CUX1: variants seen among roughly 807,000 people sequenced by gnomAD.
CUX1 encodes protein CASP.
In CUX1, 31 loss-of-function variants were observed where a neutral mutation model predicts 158.8. That is an observed-to-expected ratio of 0.20 (90% confidence interval 0.15 to 0.26). CUX1 has a LOEUF of 0.26. Among genes scored for constraint, CUX1 ranks in the 10% least tolerant of loss-of-function variants. The pLI is 1.00. For synonymous variants in CUX1, 879 were observed against 862.1 expected (o/e 1.02, Z -0.34); for missense variants, 1,589 against 2,014.6 (o/e 0.79, Z 4.04).
At position 101,916,396 on chromosome 7, in the gene CUX1, C is replaced by T. The variant is rs1296777493; in HGVS notation, c.141+171C>T. The T allele has an allele frequency of 5.6e-6, 3 of 534,110 alleles. No homozygotes were observed. The highest frequency in any genetic ancestry group is 5.8e-5 in the Admixed American group (2 of 34,426). The allele number at this position is 534,110 out of a possible 1,614,324, so 33.1% of individuals were successfully genotyped here. A position where few individuals can be genotyped will look rare whatever the true frequency, so the allele number is the denominator to read the frequency against. The stretch of plus-strand genomic sequence containing the variant: ...CCATTTCCAGCAGAACGCATGCCAT[C>T]CTGCAGGCTGTGGGGATGTGGAAAT... On this transcript the variant is annotated intron_variant, in intron 2 of 23. Coordinates refer to ENST00000292535, the MANE Select transcript of CUX1 (RefSeq NM_181552.4). This position sits in a 1 kb window ranked among gnomAD's most constrained non-coding sequence, Gnocchi z 4.4.
At chr7:101,896,792 C>G (rs969751683) in intron 1 of CUX1, among the ~76,000 whole-genome samples, 4 of 152,188 alleles carry the variant, frequency 2.6e-5, no homozygotes, top group African/African-American at 9.7e-5. Context: ...CCCTAACAAA[C>G]TAAATATGAA....
intron 2 of CUX1, among the ~76,000 whole-genome samples, chr7:101,996,997 G>GCTCGTGTGCACTCCCCTGCA (rs1816001964): frequency 2.6e-5 from 4 of 151,928 alleles, no homozygotes; most frequent in African/African-American, 9.7e-5. Context: ...ACTCCCCTGC[G>GCTCGTGTGCACTCCCCTGCA]CTCGTGTGCA....
At position 101,819,410 on chromosome 7, in the gene CUX1, G is replaced by A. The variant is rs543226772; in HGVS notation, c.30+1741G>A. ...CCCTTTGGGACATTATTCCCACATG[G>A]TGACCAGCCTTCCCCTTTAAGCAGC... On this transcript the variant is annotated intron_variant, in intron 1 of 23. Transcript: ENST00000292535. Among the ~76,000 whole-genome samples the A allele has an allele frequency of 3.9e-4, 60 of 152,260 alleles. No homozygotes were observed. The South Asian group carries it at 0.012, about 31-fold the overall frequency.
upstream of CUX1, among the ~76,000 whole-genome samples, chr7:101,816,522 G>A (rs933634508): frequency 2.1e-5 from 3 of 141,866 alleles, no homozygotes; most frequent in Admixed American, 6.9e-5. Flanking sequence ...GGGCGGCGGG[G>A]GGCGGGCGGC....
chr7:101,898,976 A>G (rs115484568), intron 1 of CUX1, among the ~76,000 whole-genome samples: 3,763 of 152,320 alleles, frequency 0.025, 146 homozygotes, highest in African/African-American at 0.082. Flanking sequence ...GCAGCATCCC[A>G]GAGCCCCGTC....
At chr7:102,015,148 C>CGATG (rs1223946709) in intron 2 of CUX1, among the ~76,000 whole-genome samples, 2 of 152,118 alleles carry the variant, frequency 1.3e-5, no homozygotes, top group Non-Finnish European at 2.9e-5. Context: ...TGCACACAAG[C>CGATG]GATGAATAAA....
chr7:102,243,482 T>G (rs1207560970), intron 23 of CUX1, among the ~76,000 whole-genome samples: 2 of 151,630 alleles, frequency 1.3e-5, no homozygotes, highest in African/African-American at 4.8e-5. Context: ...GAGAAGAATT[T>G]TATAAGCAAC....
intron 8 of CUX1, among the ~76,000 whole-genome samples, chr7:102,122,813 T>G (rs1423332073): frequency 6.6e-6 from 1 of 152,198 alleles, no homozygotes; most frequent in Non-Finnish European, 1.5e-5. Flanking sequence ...AGGGCTGCTT[T>G]ACTGTGGTAG....
chr7:102,282,045 G>A (rs546864984), intron 21 of CUX1: 56 of 731,482 alleles, frequency 7.7e-5, no homozygotes, highest in East Asian at 2.4e-4. Flanking sequence ...TCTAGCTTGC[G>A]GCCATGCCTC....
intron 21 of CUX1, among the ~76,000 whole-genome samples, chr7:102,228,737 G>T (rs1235092236): frequency 6.6e-6 from 1 of 152,186 alleles, no homozygotes. Flanking sequence ...GTTTTAGGCT[G>T]CAGTGAGCTA....
intron 8 of CUX1, among the ~76,000 whole-genome samples, chr7:102,151,166 G>C (rs147196923): frequency 1.3e-5 from 2 of 152,122 alleles, no homozygotes; most frequent in African/African-American, 4.8e-5. Context: ...TAACCCCTGG[G>C]CATTTTTGTA....
intron 1 of CUX1, among the ~76,000 whole-genome samples, chr7:101,915,630 AG>A: frequency 6.6e-6 from 1 of 152,298 alleles, no homozygotes; most frequent in South Asian, 2.1e-4. Context: ...CAGAGATCCC[AG>A]GCCCACAGCA....
intron 4 of CUX1, among the ~76,000 whole-genome samples, chr7:102,095,015 T>C (rs1341415712): frequency 6.6e-6 from 1 of 151,728 alleles, no homozygotes; most frequent in Non-Finnish European, 1.5e-5. Flanking sequence ...TTTTTTTTTT[T>C]CCAAGACAGG....
intron 8 of CUX1, among the ~76,000 whole-genome samples, chr7:102,131,364 G>A (rs1202110403): frequency 6.6e-6 from 1 of 151,900 alleles, no homozygotes; most frequent in Non-Finnish European, 1.5e-5. Context: ...TATAAAAATT[G>A]CTCAATTGGC....
At chr7:101,863,294 A>G (rs1210343747) in intron 1 of CUX1, among the ~76,000 whole-genome samples, 4 of 152,164 alleles carry the variant, frequency 2.6e-5, no homozygotes, top group Non-Finnish European at 5.9e-5. Flanking sequence ...GTGAGATTCA[A>G]GAGTCCCGCT....
At chr7:101,884,208 G>A (rs1799999681) in intron 1 of CUX1, among the ~76,000 whole-genome samples, 1 of 152,182 alleles carries the variant, frequency 6.6e-6, no homozygotes, top group African/African-American at 2.4e-5. Context: ...TTTAGTTATT[G>A]TGGATACATA....
intron 6 of CUX1, among the ~76,000 whole-genome samples, chr7:102,111,373 G>T (rs1451732954): frequency 1.3e-5 from 2 of 152,136 alleles, no homozygotes; most frequent in Non-Finnish European, 2.9e-5. Flanking sequence ...AGAAAACAAT[G>T]AGTGCATGAT....
chr7:102,073,023 C>T (rs1826303037), intron 4 of CUX1, among the ~76,000 whole-genome samples: 1 of 152,026 alleles, frequency 6.6e-6, no homozygotes, highest in Non-Finnish European at 1.5e-5. Context: ...GGAGCAGGAT[C>T]CCAGAAGGGG....
In CUX1 at chr7:102,009,317, A is replaced by G. The variant is rs1195196424; in HGVS notation, c.142-18781A>G. 3.3e-5 allele frequency among the ~76,000 whole-genome samples: 5 copies of G among 152,140 alleles called. No individual in the cohort carries two copies. In the East Asian group the frequency reaches 9.6e-4, roughly 29 times the overall value. On this transcript the variant is annotated intron_variant, in intron 2 of 23. Transcript: ENST00000292535. The stretch of plus-strand genomic sequence containing the variant: ...TGACCGCACAAATGATGGTGTTAGG[A>G]TCCCTCCACGGATGTGGCCAGGTGA...
Sources: allele counts gnomAD v4.1 joint callset (sites outside exome capture counted in the v4.1 genomes callset), GRCh38; gene constraint gnomAD v4.1.1; non-coding constraint Gnocchi (gnomAD v3.1); transcripts MANE v1.5; gene names NCBI Gene and HGNC (gene_info 2026-07-23, HGNC 2026-07-21).